Variants in GLI2 observed in about 807,000 individuals in gnomAD.
GLI2 encodes GLI family zinc finger 2.
A neutral mutation model predicts 78.9 loss-of-function variants in GLI2; 22 were observed. The observed-to-expected ratio is 0.28, with a 90% CI of 0.20 to 0.40. The LOEUF (loss-of-function observed/expected upper bound fraction) is 0.40, where lower values mean the gene tolerates loss of function less well. Ranked by LOEUF, GLI2 falls within the 10% of genes least tolerant of loss-of-function variation. The pLI is 1.00. For missense variants in GLI2, 2,097 were observed against 2,213.2 expected (o/e 0.95, Z 1.05); for synonymous variants, 974 against 963.7 (o/e 1.01, Z -0.20).
intron 1 of GLI2, among the ~76,000 whole-genome samples, chr2:120,749,262 A>G (rs909210532): frequency 6.6e-6 from 1 of 152,224 alleles, no homozygotes; most frequent in Admixed American, 6.5e-5. Context: ...TTTCTTTGAC[A>G]TCTCTCTTAA....
At chr2:120,767,590 A>T (rs1375018544) in intron 1 of GLI2, among the ~76,000 whole-genome samples, 1 of 152,028 alleles carries the variant, frequency 6.6e-6, no homozygotes, top group African/African-American at 2.4e-5. Context: ...CACTCACCAA[A>T]TTGGCACAGG....
intron 6 of GLI2, 41 bp downstream of exon 6, chr2:120,968,956 G>A (rs769399750): frequency 2.6e-6 from 4 of 1,521,696 alleles, no homozygotes; most frequent in African/African-American, 2.7e-5. Flanking sequence ...GACCAGAGCT[G>A]GGCTGAGGGC....
intron 11 of GLI2, among the ~76,000 whole-genome samples, chr2:120,983,872 TAGAG>T (rs1682829622): frequency 6.6e-6 from 1 of 151,936 alleles, no homozygotes; most frequent in African/African-American, 2.4e-5. Flanking sequence ...GAGCCAGCCT[TAGAG>T]GGGAGTGTGT....
intron 8 of GLI2, 173 bp from the exon 9 acceptor site, chr2:120,974,802 G>T: frequency 2.6e-6 from 2 of 782,058 alleles, no homozygotes; most frequent in South Asian, 2.9e-5. Flanking sequence ...GTGTGTGTGT[G>T]TCTGCATGCA....
At chr2:120,946,603 G>T (rs1347656642) in intron 3 of GLI2, among the ~76,000 whole-genome samples, 1 of 152,240 alleles carries the variant, frequency 6.6e-6, no homozygotes, top group Non-Finnish European at 1.5e-5. Context: ...CAGCAGTGTG[G>T]AAATGGAAGA....
chr2:120,853,117 G>A (rs1687488534), intron 2 of GLI2, among the ~76,000 whole-genome samples: 1 of 152,168 alleles, frequency 6.6e-6, no homozygotes, highest in African/African-American at 2.4e-5. Flanking sequence ...GCAAGGTGCT[G>A]GCCCTCAGAG....
chr2:120,860,858 T>A (rs1410088902), intron 2 of GLI2, among the ~76,000 whole-genome samples: 1 of 152,180 alleles, frequency 6.6e-6, no homozygotes, highest in Non-Finnish European at 1.5e-5. Flanking sequence ...CTTGGTTTCC[T>A]GAGGCCCTGC....
chr2:120,761,969 A>T (rs1683226654), intron 1 of GLI2, among the ~76,000 whole-genome samples: 1 of 152,242 alleles, frequency 6.6e-6, no homozygotes, highest in East Asian at 1.9e-4. Context: ...AACATTAGGC[A>T]AAAGTACAGA....
chr2:120,856,800 G>T (rs72835579), intron 2 of GLI2, among the ~76,000 whole-genome samples: 1 of 152,114 alleles, frequency 6.6e-6, no homozygotes, highest in African/African-American at 2.4e-5. Context: ...AAGAAGCCTC[G>T]TGTGGCTGGA....
chr2:120,797,171 T>TA, intron 1 of GLI2, 120 bp from the exon 2 acceptor site: 1 of 758,404 alleles, frequency 1.3e-6, no homozygotes, highest in Non-Finnish European at 2.3e-6. Context: ...CCTTCCCAAT[T>TA]ATAAGAGAAT....
At chr2:120,962,117 G>T (rs759006721) in intron 5 of GLI2, among the ~76,000 whole-genome samples, 1 of 152,138 alleles carries the variant, frequency 6.6e-6, no homozygotes, top group African/African-American at 2.4e-5. Flanking sequence ...GGTGGGTGCT[G>T]GTAGCCCATC....
intron 2 of GLI2, among the ~76,000 whole-genome samples, chr2:120,906,836 T>C (rs58366062): frequency 0.16 from 24,577 of 152,142 alleles, 3,885 homozygotes; most frequent in African/African-American, 0.42. Context: ...CATCCCCGCG[T>C]GGCAGAGTCC....
intron 2 of GLI2, among the ~76,000 whole-genome samples, chr2:120,819,770 C>T (rs1283897367): frequency 6.6e-6 from 1 of 152,178 alleles, no homozygotes; most frequent in African/African-American, 2.4e-5. Flanking sequence ...GCCAAGCCCC[C>T]AGGGAGCTCA....
At chr2:120,959,132 G>A (rs896016469) in intron 5 of GLI2, among the ~76,000 whole-genome samples, 3 of 152,192 alleles carry the variant, frequency 2.0e-5, no homozygotes, top group African/African-American at 2.4e-5. Context: ...GAGCATCTCT[G>A]GGAAGCAGCA....
chr2:120,777,417 G>C (rs894964653), intron 1 of GLI2, among the ~76,000 whole-genome samples: 1 of 152,068 alleles, frequency 6.6e-6, no homozygotes, highest in African/African-American at 2.4e-5. Context: ...ACCAGTCCCT[G>C]TTTCCAGTGC....
chr2:120,760,674 C>T (rs1230736377), intron 1 of GLI2, among the ~76,000 whole-genome samples: 2 of 152,214 alleles, frequency 1.3e-5, no homozygotes, highest in African/African-American at 4.8e-5. Context: ...TTGGTTAGCT[C>T]TTGGACCACA....
At chr2:120,879,585 G>A (rs1452790959) in intron 2 of GLI2, among the ~76,000 whole-genome samples, 3 of 152,286 alleles carry the variant, frequency 2.0e-5, no homozygotes, top group Admixed American at 1.3e-4. Context: ...GCCAGGCCAC[G>A]GCGGGCTGGA....
chr2:120,914,601 C>A (rs2104825080), intron 2 of GLI2, among the ~76,000 whole-genome samples: 1 of 152,346 alleles, frequency 6.6e-6, no homozygotes, highest in African/African-American at 2.4e-5. Flanking sequence ...GCAGCCCCTC[C>A]CATTCCTTGT....
At chr2:120,756,514 C>T (rs1242624315) in intron 1 of GLI2, among the ~76,000 whole-genome samples, 3 of 151,988 alleles carry the variant, frequency 2.0e-5, no homozygotes, top group Admixed American at 6.6e-5. Context: ...TAGTTTTTTG[C>T]CTTTCACTGG....
Sources: gnomAD v4.1 joint callset for allele counts (sites outside exome capture counted in the v4.1 genomes callset) on GRCh38, gnomAD v4.1.1 for gene constraint, MANE v1.5 for transcripts, NCBI Gene and HGNC (gene_info 2026-07-23, HGNC 2026-07-21) for gene names.